SLMAP: variants seen among roughly 807,000 people sequenced by gnomAD.
The protein encoded by SLMAP is sarcolemma associated protein, also known as sarcolemmal membrane-associated protein.
A neutral mutation model predicts 128.8 loss-of-function variants in SLMAP; 44 were observed. That is an observed-to-expected ratio of 0.34 (90% CI 0.27 to 0.44). SLMAP has a LOEUF of 0.44. Ranked by LOEUF, SLMAP falls within the 20% of genes least tolerant of loss-of-function variation. The pLI is 1.00. For missense variants in SLMAP, 787 were observed against 985.3 expected (o/e 0.80, Z 2.69); for synonymous variants, 327 against 348.8 (o/e 0.94, Z 0.70).
chr3:57,884,879 A>G (rs1263984429), intron 14 of SLMAP, among the ~76,000 whole-genome samples: 1 of 152,176 alleles, frequency 6.6e-6, no homozygotes, highest in African/African-American at 2.4e-5. Flanking sequence ...GGGTGTAATA[A>G]GCCCTGCAAA....
chr3:57,916,925 G>A lies in SLMAP; in HGVS notation c.2158G>A (p.Glu720Lys). 6.2e-7 allele frequency: 1 copy of A among 1,613,664 alleles called. No individual in the cohort carries two copies. Among genetic ancestry groups the A allele is most frequent in the Non-Finnish European group, 8.5e-7 (1 of 1,179,804 alleles). The part of the protein sequence containing the change: ...ELHNSQKQSL[E>K]LTSDLSILQM... Reference sequence around the variant, plus strand: ...TTGCAGTTCTCAGAAGCAGAGTTTAGAGCTTACCAGTGATCTCAGCATCCT... The same window carrying A: ...TTGCAGTTCTCAGAAGCAGAGTTTAAAGCTTACCAGTGATCTCAGCATCCT... The change falls in exon 22 of 25, where the codon GAG becomes AAG. Residue 720 changes from glutamate to lysine, a missense_variant. By Grantham distance (56) the Glu-to-Lys change is moderately conservative. Around this residue, in one of 2 missense-constraint regions of SLMAP, gnomAD observed 715 missense variants for 843.6 expected, o/e 0.85. Transcript: ENST00000671191.
rs1229305898 is a variant in SLMAP at position 57,855,720 on chromosome 3, A to AC, written c.520-2013_520-2012insC. Reference sequence around the variant, plus strand: ...AGAACGCCCCATCTGTTAAAAAAAAAAAAAACAAAAAAAAAAACTTTAAAT... The same window carrying AC: ...AGAACGCCCCATCTGTTAAAAAAAAACAAAAACAAAAAAAAAAACTTTAAAT... On this transcript the variant is annotated intron_variant, in intron 6 of 24. Transcript: ENST00000671191. 1.3e-3 allele frequency among the ~76,000 whole-genome samples: 201 copies of AC among 149,226 alleles called. 4 individuals are homozygous for AC. Among genetic ancestry groups the AC allele is most frequent in the African/African-American group, 4.3e-3 (173 of 40,018 alleles).
At chr3:57,892,783 AACACACACAC>A (rs141561615) in intron 15 of SLMAP, among the ~76,000 whole-genome samples, 5 of 143,850 alleles carry the variant, frequency 3.5e-5, no homozygotes, top group South Asian at 2.2e-4. Flanking sequence ...TGTCTCTTAA[AACACACACAC>A]ACACACACAC....
At position 57,864,853 on chromosome 3, in the gene SLMAP, CT is replaced by C; in HGVS notation, c.1184del (p.Leu395TrpfsTer12). 1 of 1,572,478 alleles carries C rather than the reference CT, an allele frequency of 6.4e-7. No homozygotes were observed. Among genetic ancestry groups the C allele is most frequent in the Non-Finnish European group, 8.6e-7 (1 of 1,160,930 alleles). On this transcript the variant is annotated frameshift_variant, in exon 12 of 25. Transcript: ENST00000671191. LOFTEE classifies it high-confidence loss of function. ...AGAAAACTCTTAAAGAATGCAGCAG[CT>C]TGGGTAGGTGGCATCCATATTTCTT... is the stretch of plus-strand genomic sequence containing the variant. ...QEKTLKECSS[L>X]GIQVDDFLPK...
intron 2 of SLMAP, among the ~76,000 whole-genome samples, chr3:57,793,710 A>G (rs1218866449): frequency 6.6e-6 from 1 of 152,100 alleles, no homozygotes. Context: ...AGTTTTATGA[A>G]TTTAGATAAT....
rs546772760 is a variant in SLMAP at position 57,911,741 on chromosome 3, A to C, written c.1700-640A>C. Among the ~76,000 whole-genome samples, 222 of 152,274 alleles carry C rather than the reference A, an allele frequency of 1.5e-3. 1 individual carries two copies. The highest frequency in any genetic ancestry group is 4.9e-3 in the African/African-American group (205 of 41,550). The stretch of plus-strand genomic sequence containing the variant: ...AATATGATGTCCAATAAGGACTTCA[A>C]AGGAAAATAAAGCAGAGTAAAGAGC... On this transcript the variant is annotated intron_variant, in intron 19 of 24. Transcript: ENST00000671191.
chr3:57,871,847 A>G, intron 14 of SLMAP, 149 bp downstream of exon 14: 1 of 569,264 alleles, frequency 1.8e-6, no homozygotes, highest in Non-Finnish European at 3.1e-6. Flanking sequence ...TTTCATAACT[A>G]TTTGTCTTTT....
At chr3:57,857,675 C>A in intron 6 of SLMAP, 58 bp from the exon 7 acceptor site, 1 of 1,129,358 alleles carries the variant, frequency 8.9e-7, no homozygotes, top group Non-Finnish European at 1.3e-6. Flanking sequence ...AAATTGATCA[C>A]TCCTCAAAAG....
chr3:57,886,576 A>G (rs1341348887), intron 14 of SLMAP, among the ~76,000 whole-genome samples: 3 of 151,520 alleles, frequency 2.0e-5, no homozygotes, highest in African/African-American at 7.3e-5. Context: ...GAAAAAGGCA[A>G]GAGGTTTTTT....
At chr3:57,775,730 G>A (rs968703721) in intron 2 of SLMAP, among the ~76,000 whole-genome samples, 13 of 151,756 alleles carry the variant, frequency 8.6e-5, no homozygotes, top group Non-Finnish European at 1.9e-4. Context: ...ACGGAGTGTC[G>A]CTCTTGTTGC....
intron 13 of SLMAP, 125 bp downstream of exon 13, chr3:57,865,417 C>A: frequency 2.3e-6 from 1 of 435,254 alleles, no homozygotes; most frequent in Non-Finnish European, 4.0e-6. Context: ...TCATTGAACC[C>A]CATCATTTAA....
At chr3:57,871,789 G>A in intron 14 of SLMAP, 91 bp downstream of exon 14, 1 of 955,998 alleles carries the variant, frequency 1.0e-6, no homozygotes, top group Non-Finnish European at 1.7e-6. Context: ...CAATGTGTTT[G>A]TTATAGCAGA....
intron 2 of SLMAP, among the ~76,000 whole-genome samples, chr3:57,779,328 C>T (rs543381014): frequency 1.3e-5 from 2 of 151,344 alleles, no homozygotes; most frequent in East Asian, 3.9e-4. Context: ...GGCAACATGG[C>T]GAAACTCCAT....
chr3:57,823,574 A>G (rs903382555), intron 2 of SLMAP, among the ~76,000 whole-genome samples: 1 of 152,208 alleles, frequency 6.6e-6, no homozygotes, highest in African/African-American at 2.4e-5. Context: ...GCTGCATAGT[A>G]TTCCATGGTG....
intron 2 of SLMAP, among the ~76,000 whole-genome samples, chr3:57,792,683 G>C (rs565352689): frequency 6.6e-6 from 1 of 152,022 alleles, no homozygotes; most frequent in East Asian, 1.9e-4. Context: ...AGAAATGTAT[G>C]GACTTATTTA....
At chr3:57,906,300 C>CTTTTTCTTTTTTTTTTTTTTTT (rs2096541194) in intron 17 of SLMAP, among the ~76,000 whole-genome samples, 1 of 71,290 alleles carries the variant, frequency 1.4e-5, no homozygotes, top group Non-Finnish European at 2.8e-5. Flanking sequence ...AAATTTTTTT[C>CTTTTTCTTTTTTTTTTTTTTTT]TTTTTTTTTC....
intron 2 of SLMAP, among the ~76,000 whole-genome samples, chr3:57,825,432 G>GCTTTTATT (rs2092847259): frequency 6.8e-6 from 1 of 146,976 alleles, no homozygotes; most frequent in South Asian, 2.1e-4. Flanking sequence ...CTTTCTGAGT[G>GCTTTTATT]CTTTTATTGT....
intron 2 of SLMAP, among the ~76,000 whole-genome samples, chr3:57,770,046 T>G (rs557919729): frequency 6.6e-6 from 1 of 152,324 alleles, no homozygotes; most frequent in South Asian, 2.1e-4. Context: ...AGTAAAGTAT[T>G]GTTAGGATGA....
At chr3:57,819,878 A>T (rs2092342174) in intron 2 of SLMAP, among the ~76,000 whole-genome samples, 1 of 152,100 alleles carries the variant, frequency 6.6e-6, no homozygotes, top group Admixed American at 6.6e-5. Flanking sequence ...TCAGACTCCA[A>T]GTAGGTGGGA....
Sources: gnomAD v4.1 joint callset for allele counts (sites outside exome capture counted in the v4.1 genomes callset) on GRCh38, gnomAD v4.1.1 for gene constraint, gnomAD v4.1.1 regional missense constraint, MANE v1.5 for transcripts, NCBI Gene and HGNC (gene_info 2026-07-23, HGNC 2026-07-21) for gene names.